FHIT: variants seen among roughly 807,000 people sequenced by gnomAD.
FHIT encodes bis(5'-adenosyl)-triphosphatase.
A neutral mutation model predicts 17.9 loss-of-function variants in FHIT; 19 were observed. The ratio of observed to expected loss-of-function variants is 1.06; its 90% CI spans 0.74 to 1.56. The LOEUF (loss-of-function observed/expected upper bound fraction) is 1.56. Ranked by LOEUF, FHIT falls within the 40% of genes most tolerant of loss-of-function variation. The probability of loss-of-function intolerance (pLI) is 0.00; values close to 1 mark genes in which losing one functional copy is unlikely to be tolerated. For synonymous variants in FHIT, 81 were observed against 69.7 expected (o/e 1.16, Z -0.81); for missense variants, 248 against 189.2 (o/e 1.31, Z -1.82).
chr3:60,286,696 G>A (rs181456554), intron 5 of FHIT, among the ~76,000 whole-genome samples: 12 of 152,232 alleles, frequency 7.9e-5, no homozygotes, highest in Non-Finnish European at 8.8e-5. Flanking sequence ...AGGGAAAGTC[G>A]GTGTTTGCTA....
chr3:60,205,876 A>AG (rs1269342580), intron 5 of FHIT, among the ~76,000 whole-genome samples: 4 of 151,912 alleles, frequency 2.6e-5, no homozygotes, highest in Middle Eastern at 3.2e-3. Context: ...TGGGAGGCCG[A>AG]GGGGGGCAGA....
At chr3:60,112,335 T>A (rs1053613493) in intron 5 of FHIT, among the ~76,000 whole-genome samples, 4 of 152,158 alleles carry the variant, frequency 2.6e-5, no homozygotes, top group African/African-American at 9.7e-5. Flanking sequence ...AATCAAGAAC[T>A]TGTCACCATT....
At chr3:60,964,518 T>A (rs1178947079) in intron 3 of FHIT, among the ~76,000 whole-genome samples, 1 of 152,340 alleles carries the variant, frequency 6.6e-6, no homozygotes, top group South Asian at 2.1e-4. Context: ...GTGCAGTTTC[T>A]TCCTAGCATC....
intron 2 of FHIT, among the ~76,000 whole-genome samples, chr3:61,143,011 A>G (rs1313901260): frequency 6.6e-6 from 1 of 152,106 alleles, no homozygotes; most frequent in Non-Finnish European, 1.5e-5. Flanking sequence ...TCTTTAGTAA[A>G]TTTCAGATTT....
At chr3:60,413,454 G>A (rs1457004136) in intron 5 of FHIT, among the ~76,000 whole-genome samples, 1 of 152,150 alleles carries the variant, frequency 6.6e-6, no homozygotes, top group Non-Finnish European at 1.5e-5. Context: ...GGCCAATAGA[G>A]TTAAAGGTCT....
At chr3:61,028,106 C>G (rs1455213708) in intron 3 of FHIT, among the ~76,000 whole-genome samples, 1 of 152,164 alleles carries the variant, frequency 6.6e-6, no homozygotes, top group African/African-American at 2.4e-5. Flanking sequence ...TCAGGTAAGG[C>G]TACCAAATTA....
intron 7 of FHIT, among the ~76,000 whole-genome samples, chr3:59,937,142 TTA>T (rs1706281653): frequency 6.6e-6 from 1 of 152,340 alleles, no homozygotes; most frequent in Admixed American, 6.5e-5. Flanking sequence ...TTACATAATT[TTA>T]TGTCATTATC....
intron 4 of FHIT, among the ~76,000 whole-genome samples, chr3:60,602,211 T>G (rs1297950429): frequency 2.0e-5 from 3 of 152,120 alleles, no homozygotes; most frequent in Non-Finnish European, 4.4e-5. Context: ...AATTTAATGA[T>G]CAGCATTGTC....
chr3:60,276,810 G>C (rs1707160245), intron 5 of FHIT, among the ~76,000 whole-genome samples: 1 of 152,096 alleles, frequency 6.6e-6, no homozygotes, highest in Non-Finnish European at 1.5e-5. Context: ...GCAAGAGAGG[G>C]AGAAAGAGAG....
chr3:60,676,307 C>A (rs538397896), intron 4 of FHIT, among the ~76,000 whole-genome samples: 2 of 152,126 alleles, frequency 1.3e-5, no homozygotes, highest in Admixed American at 1.3e-4. Flanking sequence ...TTTGACAATC[C>A]TTTGGTGGTG....
At chr3:60,871,254 A>G (rs1399731067) in intron 3 of FHIT, among the ~76,000 whole-genome samples, 1 of 152,132 alleles carries the variant, frequency 6.6e-6, no homozygotes, top group Non-Finnish European at 1.5e-5. Context: ...TTGCCTTCAC[A>G]GTGAAACTAT....
In FHIT at chr3:60,377,643, G is replaced by A. The variant is rs912729094; in HGVS notation, c.103+159217C>T. Among the ~76,000 whole-genome samples, 23 of 148,012 alleles carry A rather than the reference G, an allele frequency of 1.6e-4. No homozygotes were observed. The East Asian group carries it at 1.6e-3, about 10-fold the overall frequency. On this transcript the variant is annotated intron_variant, in intron 5 of 9. Transcript: ENST00000492590. ...ACTACAGGCGCCCGCCACCGCGCCC[G>A]GCTAATTTTTTGTATTTTTAGTAGA...
rs1435067501 is a variant in FHIT at position 60,536,853 on chromosome 3, A to G, written c.103+7T>C. ...TTTCCCTCTCCAAAAAAAAAAAGAA[A>G]GGATACGTCCTGGTACCACAGGTTT... On this transcript the variant is annotated splice_region_variant and intron_variant, in intron 5 of 9. Coordinates refer to ENST00000492590, the MANE Select transcript of FHIT (RefSeq NM_002012.4). 5.7e-6 allele frequency: 9 copies of G among 1,576,198 alleles called. No homozygotes were observed. Among genetic ancestry groups the G allele is most frequent in the Non-Finnish European group, 7.7e-6 (9 of 1,167,906 alleles).
intron 5 of FHIT, among the ~76,000 whole-genome samples, chr3:60,222,744 A>G (rs1489861523): frequency 6.6e-6 from 1 of 152,070 alleles, no homozygotes; most frequent in African/African-American, 2.4e-5. Flanking sequence ...AGGACAAGAA[A>G]ATAGGACCTG....
chr3:60,640,450 A>C (rs1183487199), intron 4 of FHIT, among the ~76,000 whole-genome samples: 1 of 152,236 alleles, frequency 6.6e-6, no homozygotes, highest in Non-Finnish European at 1.5e-5. Flanking sequence ...CTTAGTGAAC[A>C]GGAAATTTCT....
intron 7 of FHIT, among the ~76,000 whole-genome samples, chr3:59,981,977 A>G (rs1708674834): frequency 6.6e-6 from 1 of 150,566 alleles, no homozygotes; most frequent in South Asian, 2.1e-4. Flanking sequence ...AAAAAAAATT[A>G]TTGATCTGGT....
rs555937258 is a variant in FHIT, at chr3:60,159,113, T to C, written c.104-144961A>G. Among the ~76,000 whole-genome samples the C allele has an allele frequency of 1.6e-4, 24 of 152,220 alleles. No homozygotes were observed. The East Asian group carries it at 2.9e-3, about 18-fold the overall frequency. On this transcript the variant is annotated intron_variant, in intron 5 of 9. Transcript: ENST00000492590. ...CCACCATTTAATTCCACAGATATAC[T>C]GTATATGTTTGAGGGGAGGGGGTTT... is the stretch of plus-strand genomic sequence containing the variant.
chr3:60,683,841 A>G (rs2040805067), intron 4 of FHIT, among the ~76,000 whole-genome samples: 1 of 152,166 alleles, frequency 6.6e-6, no homozygotes, highest in African/African-American at 2.4e-5. Context: ...GTCTCAAGGA[A>G]ATCATTTTTG....
At chr3:60,176,553 AC>A (rs1701681331) in intron 5 of FHIT, among the ~76,000 whole-genome samples, 1 of 152,218 alleles carries the variant, frequency 6.6e-6, no homozygotes, top group Non-Finnish European at 1.5e-5. Context: ...ATATAAACAA[AC>A]ACCTGGCAAC....
Sources: gnomAD v4.1 joint callset for allele counts (sites outside exome capture counted in the v4.1 genomes callset) on GRCh38, gnomAD v4.1.1 for gene constraint, MANE v1.5 for transcripts, NCBI Gene and HGNC (gene_info 2026-07-23, HGNC 2026-07-21) for gene names.